Variants in MBOAT1 observed in about 807,000 individuals in gnomAD.
MBOAT1 encodes membrane bound glycerophospholipid O-acyltransferase 1.
Under a neutral mutation model 64.4 loss-of-function variants are expected in MBOAT1, and 67 were observed. The ratio of observed to expected loss-of-function variants is 1.04; its 90% CI spans 0.85 to 1.27. MBOAT1 has a LOEUF of 1.27. Ranked by LOEUF, MBOAT1 falls within the 50% of genes most tolerant of loss-of-function variation. The pLI is 0.00. For missense variants in MBOAT1, 563 were observed against 604.6 expected (o/e 0.93, Z 0.72); for synonymous variants, 229 against 218.9 (o/e 1.05, Z -0.41).
At position 20,151,276 on chromosome 6, in the gene MBOAT1, T is replaced by G; in HGVS notation, c.246-14A>C. 1 of 1,580,128 alleles carries G rather than the reference T, an allele frequency of 6.3e-7. No homozygotes were observed. Among genetic ancestry groups the G allele is most frequent in the Non-Finnish European group, 8.7e-7 (1 of 1,150,752 alleles). Reference sequence around the variant, plus strand: ...TGCACAGAGTACCTTTAAGACATAATAGTAGGGGGAGGAGTAATGAATATA... The same window carrying G: ...TGCACAGAGTACCTTTAAGACATAAGAGTAGGGGGAGGAGTAATGAATATA... On this transcript the variant is annotated splice_polypyrimidine_tract_variant and intron_variant, in intron 2 of 12. Transcript: ENST00000324607.
chr6:20,165,147 T>C (rs1466757417), intron 1 of MBOAT1, among the ~76,000 whole-genome samples: 1 of 152,144 alleles, frequency 6.6e-6, no homozygotes, highest in African/African-American at 2.4e-5. Context: ...AGGCATAAAA[T>C]AGACAAGAGA....
At chr6:20,171,655 A>G (rs892035494) in intron 1 of MBOAT1, among the ~76,000 whole-genome samples, 1 of 152,188 alleles carries the variant, frequency 6.6e-6, no homozygotes, top group African/African-American at 2.4e-5. Flanking sequence ...CTCACTCCCA[A>G]CTTAATGGAA....
At chr6:20,182,722 G>T (rs556478414) in intron 1 of MBOAT1, among the ~76,000 whole-genome samples, 3 of 152,064 alleles carry the variant, frequency 2.0e-5, no homozygotes, top group African/African-American at 7.2e-5. Context: ...CTCCAACCAC[G>T]GCAGGGGTAA....
intron 1 of MBOAT1, among the ~76,000 whole-genome samples, chr6:20,177,544 T>C (rs947524701): frequency 5.3e-5 from 8 of 151,900 alleles, no homozygotes; most frequent in Admixed American, 3.3e-4. Flanking sequence ...GAGGCCGAGG[T>C]GGGTGGATCA....
chr6:20,163,343 G>C (rs964062243), intron 1 of MBOAT1, among the ~76,000 whole-genome samples: 2 of 152,104 alleles, frequency 1.3e-5, no homozygotes, highest in Non-Finnish European at 2.9e-5. Flanking sequence ...CTGTTAACCA[G>C]TTAAAAATGT....
At chr6:20,170,746 G>A (rs975987812) in intron 1 of MBOAT1, among the ~76,000 whole-genome samples, 2 of 152,140 alleles carry the variant, frequency 1.3e-5, no homozygotes, top group Non-Finnish European at 2.9e-5. Flanking sequence ...GTGGGAACAC[G>A]CTCAGCTTCT....
chr6:20,159,178 T>G (rs1252181595), intron 1 of MBOAT1, among the ~76,000 whole-genome samples: 1 of 152,096 alleles, frequency 6.6e-6, no homozygotes, highest in African/African-American at 2.4e-5. Context: ...GGGCCAGTAC[T>G]GGTCCATGGC....
intron 12 of MBOAT1, among the ~76,000 whole-genome samples, chr6:20,104,656 G>A (rs1416006645): frequency 6.6e-6 from 1 of 152,210 alleles, no homozygotes; most frequent in Admixed American, 6.5e-5. Context: ...ATAATGTTGG[G>A]AGGGAGGAAA....
In MBOAT1 at chr6:20,108,355, C is replaced by T. The variant is rs943253128; in HGVS notation, c.1361+1243G>A. The stretch of plus-strand genomic sequence containing the variant: ...TTCTCTTCCCACTCTTCTGGCACCC[C>T]TTTGCATAGAAAAATTTGGGTATAA... On this transcript the variant is annotated intron_variant, in intron 12 of 12. Coordinates refer to ENST00000324607, the MANE Select transcript of MBOAT1 (RefSeq NM_001080480.3). Among the ~76,000 whole-genome samples the T allele has an allele frequency of 2.6e-5, 4 of 152,126 alleles. No individual in the cohort carries two copies. The South Asian group carries it at 6.2e-4, about 24-fold the overall frequency.
chr6:20,202,291 CTT>C (rs1390085791), intron 1 of MBOAT1, among the ~76,000 whole-genome samples: 1 of 152,140 alleles, frequency 6.6e-6, no homozygotes, highest in Non-Finnish European at 1.5e-5. Context: ...TGAACACAAA[CTT>C]TTCAAATGTA....
At chr6:20,184,036 T>C (rs1762578678) in intron 1 of MBOAT1, among the ~76,000 whole-genome samples, 1 of 152,206 alleles carries the variant, frequency 6.6e-6, no homozygotes, top group South Asian at 2.1e-4. Flanking sequence ...TCCCCCTGTG[T>C]CCCTCACATA....
intron 6 of MBOAT1, among the ~76,000 whole-genome samples, chr6:20,128,166 ACTT>A (rs1398382268): frequency 6.7e-6 from 1 of 148,866 alleles, no homozygotes; most frequent in Non-Finnish European, 1.5e-5. Context: ...TTCCCCTCCC[ACTT>A]CTTCTCCAAC....
chr6:20,134,193 AC>A (rs1239454463), intron 4 of MBOAT1, among the ~76,000 whole-genome samples: 3 of 152,228 alleles, frequency 2.0e-5, no homozygotes, highest in South Asian at 4.1e-4. Flanking sequence ...ATTTCACCAA[AC>A]AAATCTCTTA....
intron 1 of MBOAT1, among the ~76,000 whole-genome samples, chr6:20,166,398 C>A (rs1271546085): frequency 6.6e-6 from 1 of 152,114 alleles, no homozygotes; most frequent in Non-Finnish European, 1.5e-5. Context: ...AACTCCCTCC[C>A]ACTCTCCTTC....
intron 12 of MBOAT1, among the ~76,000 whole-genome samples, chr6:20,105,541 G>A (rs1759927241): frequency 1.3e-5 from 2 of 152,226 alleles, no homozygotes; most frequent in Admixed American, 1.3e-4. Flanking sequence ...AAGGTGGGTA[G>A]ATTGCTTGAG....
rs1554115561 is a variant in MBOAT1, at chr6:20,111,835, C to CGTATATAT, written c.1209+1040_1209+1041insATATATAC. On this transcript the variant is annotated intron_variant, in intron 11 of 12. Coordinates refer to ENST00000324607, the MANE Select transcript of MBOAT1 (RefSeq NM_001080480.3). ...ATATACATATATATACATATATATA[C>CGTATATAT]ACATATATATACATATATATATACA... Among the ~76,000 whole-genome samples the CGTATATAT allele has an allele frequency of 8.6e-4, 75 of 86,778 alleles. 2 individuals carry two copies. Among genetic ancestry groups the CGTATATAT allele is most frequent in the African/African-American group, 2.8e-3 (67 of 24,292 alleles). The allele number at this position is 86,778 out of a possible 152,430, so 56.9% of individuals were successfully genotyped here.
At chr6:20,183,973 T>A (rs564485326) in intron 1 of MBOAT1, among the ~76,000 whole-genome samples, 1 of 152,326 alleles carries the variant, frequency 6.6e-6, no homozygotes, top group South Asian at 2.1e-4. Context: ...GTGAGACTTA[T>A]TCACTATCAT....
intron 1 of MBOAT1, among the ~76,000 whole-genome samples, chr6:20,157,875 C>T (rs1029942167): frequency 6.6e-6 from 1 of 151,966 alleles, no homozygotes; most frequent in African/African-American, 2.4e-5. Flanking sequence ...AAAACATGAG[C>T]CAGCCCGCAG....
rs1174226932 is a variant in MBOAT1, at chr6:20,124,609, G to A, written c.715-9C>T. The A allele has an allele frequency of 6.2e-7, 1 of 1,613,022 alleles. No homozygotes were observed. Reference sequence around the variant, plus strand: ...TTGTGTATCACAGCTCCCTGAAAATGGGGAAAAATCAGTGTCACCGTGCAG... The same window carrying A: ...TTGTGTATCACAGCTCCCTGAAAATAGGGAAAAATCAGTGTCACCGTGCAG... On this transcript the variant is annotated splice_polypyrimidine_tract_variant and intron_variant, in intron 7 of 12. Coordinates refer to ENST00000324607, the MANE Select transcript of MBOAT1 (RefSeq NM_001080480.3).
Sources: allele counts gnomAD v4.1 joint callset (sites outside exome capture counted in the v4.1 genomes callset), GRCh38; gene constraint gnomAD v4.1.1; transcripts MANE v1.5; gene names NCBI Gene and HGNC (gene_info 2026-07-23, HGNC 2026-07-21).